PC: variants seen among roughly 807,000 people sequenced by gnomAD.
The protein encoded by PC is pyruvate carboxylase, mitochondrial.
In PC, 46 loss-of-function variants were observed where a neutral mutation model predicts 107.8. The ratio of observed to expected loss-of-function variants is 0.43; its 90% CI spans 0.34 to 0.55. The LOEUF is 0.55. PC is among the 20% of genes least tolerant of loss of function. The pLI, the probability that PC is intolerant of heterozygous loss-of-function variation, is 0.04. For synonymous variants in PC, 662 were observed against 684.7 expected (o/e 0.97, Z 0.52); for missense variants, 1,241 against 1,643.1 (o/e 0.76, Z 4.23).
At chr11:66,923,256 G>A (rs1948636265) in intron 3 of PC, among the ~76,000 whole-genome samples, 2 of 151,954 alleles carry the variant, frequency 1.3e-5, no homozygotes, top group African/African-American at 4.8e-5. Flanking sequence ...CAGCTACTAG[G>A]GAGGCTGAGG....
intron 3 of PC, among the ~76,000 whole-genome samples, chr11:66,929,510 G>A (rs1225129172): frequency 1.3e-5 from 2 of 152,042 alleles, no homozygotes; most frequent in Non-Finnish European, 1.5e-5. Context: ...GGGACCACAG[G>A]TGTATGCCAC....
chr11:66,888,089 C>T (rs954622006), intron 3 of PC, among the ~76,000 whole-genome samples: 3 of 152,202 alleles, frequency 2.0e-5, no homozygotes, highest in Non-Finnish European at 4.4e-5. Flanking sequence ...ATCACCTTTC[C>T]AGGTCAGAAT....
At position 66,913,529 on chromosome 11, in the gene PC, G is replaced by A. The variant is rs548523427; in HGVS notation, c.-1+38901C>T. 1.2e-4 allele frequency among the ~76,000 whole-genome samples: 18 copies of A among 151,832 alleles called. No homozygotes were observed. In the South Asian group the frequency reaches 3.1e-3, roughly 27 times the overall value. ...TACTAAAAAAATACAAAAATTAGCC[G>A]GGCGTGCCTGTAATCCCAGATACTC... On this transcript the variant is annotated intron_variant, in intron 3 of 22. Transcript: ENST00000393960.
At chr11:66,958,065 G>A (rs1949613884) in intron 1 of PC, 1 of 151,290 alleles carries the variant, frequency 6.6e-6, no homozygotes, top group African/African-American at 2.4e-5. Flanking sequence ...GCGCTCGGGG[G>A]CTGCAGCCGG....
At chr11:66,923,656 CAT>C (rs1322705851) in intron 3 of PC, among the ~76,000 whole-genome samples, 1 of 151,730 alleles carries the variant, frequency 6.6e-6, no homozygotes, top group African/African-American at 2.4e-5. Flanking sequence ...TGGGATTACA[CAT>C]GTGCAGGTGC....
At position 66,871,773 on chromosome 11, in the gene PC, T is replaced by G; in HGVS notation, c.235A>C (p.Lys79Gln). The G allele has an allele frequency of 6.2e-7, 1 of 1,602,298 alleles. No homozygotes were observed. Among genetic ancestry groups the G allele is most frequent in the Non-Finnish European group, 8.5e-7 (1 of 1,175,496 alleles). Reference sequence around the variant, plus strand: ...CCGATGAGATAGGCTTCATCTGCTTTCTGCCGGTGCATCTGGCCCGTGTCC... The same window carrying G: ...CCGATGAGATAGGCTTCATCTGCTTGCTGCCGGTGCATCTGGCCCGTGTCC... ...EQDTGQMHRQ[K>Q]ADEAYLIGRG... The change falls in exon 5 of 23, where the codon AAA (lysine) becomes CAA (glutamine). Residue 79 changes from lysine to glutamine, a missense_variant. By Grantham distance (53) the Lys-to-Gln change is moderately conservative. Coordinates refer to ENST00000393960, the MANE Select transcript of PC (RefSeq NM_001040716.2). This position sits in a 1 kb window ranked among gnomAD's most constrained non-coding sequence, Gnocchi z 7.4.
intron 12 of PC, 129 bp downstream of exon 12, chr11:66,863,645 G>T: frequency 1.0e-6 from 1 of 1,003,774 alleles, no homozygotes; most frequent in Non-Finnish European, 1.5e-6. Flanking sequence ...GAGAGCCACT[G>T]ACCTCGACCC....
rs763471198 is a variant in PC at position 66,851,810 on chromosome 11, G to A, written c.1962C>T (p.Tyr654=). Residue 654 remains tyrosine, a synonymous_variant, in exon 16 of 23, where the codon TAC becomes TAT. Transcript: ENST00000393960. ...CTCACTTGAAGACCACGTTGTCTGG[G>A]TAGTTGGTGTAGCCCACAGCATTGG... The part of the protein sequence containing the change: ...RGANAVGYTN[Y]PDNVVFKFCE... The A allele has an allele frequency of 3.7e-6, 6 of 1,614,162 alleles. No homozygotes were observed. The Admixed American group carries it at 5.0e-5, about 13-fold the overall frequency.
chr11:66,850,478 A>G lies in PC; in HGVS notation c.2474-14T>C. On this transcript the variant is annotated splice_polypyrimidine_tract_variant and intron_variant, in intron 18 of 22. Transcript: ENST00000393960. ...CCATGGGCACCTCTGCAGGGAGGCC[A>G]GAGTCAGAGGAGGCCTTAGAAATGT... 6.2e-7 allele frequency: 1 copy of G among 1,613,834 alleles called. No individual in the cohort carries two copies.
At chr11:66,860,577 G>C in intron 12 of PC, 1 of 701,466 alleles carries the variant, frequency 1.4e-6, no homozygotes, top group Non-Finnish European at 2.6e-6. Flanking sequence ...CAGGGCCGGT[G>C]GGGGCAGTCA....
intron 3 of PC, among the ~76,000 whole-genome samples, chr11:66,925,833 A>G (rs1948703560): frequency 6.6e-6 from 1 of 152,106 alleles, no homozygotes; most frequent in Non-Finnish European, 1.5e-5. Flanking sequence ...ATAAATGTCC[A>G]TGAAATCTTC....
chr11:66,851,263 T>C lies in PC; in HGVS notation c.2000A>G (p.Lys667Arg), dbSNP rs138760063. The C allele has an allele frequency of 3.1e-6, 5 of 1,601,384 alleles. No individual in the cohort carries two copies. The highest frequency in any genetic ancestry group is 1.7e-4 in the Middle Eastern group (1 of 6,060). Reference protein sequence around the residue: ...NVVFKFCEVAKENGMDVFRVF... With the variant: ...NVVFKFCEVARENGMDVFRVF... Reference sequence around the variant, plus strand: ...ACGGAAGACATCCATGCCATTCTCTTTGGCCACTTCACAGAACCTGCAAGG... The same window carrying C: ...ACGGAAGACATCCATGCCATTCTCTCTGGCCACTTCACAGAACCTGCAAGG... The change falls in exon 17 of 23, where the codon AAA becomes AGA. Residue 667 changes from lysine (K) to arginine (R), a missense_variant. By Grantham distance (26) the Lys-to-Arg change is conservative. This residue lies in a region of PC where 1,143 missense variants were observed against 1,551.9 expected (regional missense o/e 0.74). Coordinates refer to ENST00000393960, the MANE Select transcript of PC (RefSeq NM_001040716.2).
chr11:66,911,799 G>A (rs745315020), intron 3 of PC, among the ~76,000 whole-genome samples: 2 of 152,112 alleles, frequency 1.3e-5, no homozygotes, highest in Admixed American at 6.5e-5. Context: ...TTGGGAGGCC[G>A]AGGCAGGCAG....
chr11:66,849,502 G>C, intron 21 of PC, 109 bp downstream of exon 21: 2 of 1,605,984 alleles, frequency 1.2e-6, no homozygotes, highest in Non-Finnish European at 1.7e-6. Flanking sequence ...GGTCTCAAGG[G>C]TCCTTTCTGC....
At chr11:66,931,328 G>A (rs564884924) in intron 3 of PC, among the ~76,000 whole-genome samples, 33 of 148,122 alleles carry the variant, frequency 2.2e-4, no homozygotes, top group Non-Finnish European at 3.0e-4. Context: ...GCAGTGGGCC[G>A]AGATGGCACC....
At chr11:66,953,765 A>C (rs1440067948) in intron 2 of PC, among the ~76,000 whole-genome samples, 2 of 152,142 alleles carry the variant, frequency 1.3e-5, no homozygotes, top group African/African-American at 4.8e-5. Flanking sequence ...TGGTTAAAAG[A>C]AGCAAAAATG....
chr11:66,955,772 T>TTTTTTTTTCTTTTTC (rs1555052678), intron 1 of PC, among the ~76,000 whole-genome samples: 8 of 150,244 alleles, frequency 5.3e-5, no homozygotes, highest in African/African-American at 2.0e-4. Context: ...CTTTTGGGCT[T>TTTTTTTTTCTTTTTC]TTTTTTTTCT....
In PC at chr11:66,850,277, G is replaced by C; in HGVS notation, c.2661C>G (p.Phe887Leu). 2 of 1,614,134 alleles carry C rather than the reference G, an allele frequency of 1.2e-6. No homozygotes were observed. Among genetic ancestry groups the C allele is most frequent in the Non-Finnish European group, 1.7e-6 (2 of 1,180,030 alleles). ...CCACATAGGCCTTCTTGACCTCCTT[G>C]AACTTGGAGCCAAGCCCCATGCTGT... Reference protein sequence around the residue: ...QAHSMGLGSKFKEVKKAYVEA... With the variant: ...QAHSMGLGSKLKEVKKAYVEA... The change falls in exon 19 of 23, where the codon TTC becomes TTG. Residue 887 changes from phenylalanine to leucine, a missense_variant. By Grantham distance (22) the Phe-to-Leu change is conservative. Transcript: ENST00000393960.
At chr11:66,924,573 C>G (rs1948670970) in intron 3 of PC, among the ~76,000 whole-genome samples, 1 of 152,086 alleles carries the variant, frequency 6.6e-6, no homozygotes, top group Admixed American at 6.5e-5. Flanking sequence ...ACCTCAGCCT[C>G]CTGAGTAGCT....
Sources: allele counts gnomAD v4.1 joint callset (sites outside exome capture counted in the v4.1 genomes callset), GRCh38; gene constraint gnomAD v4.1.1; regional missense constraint gnomAD v4.1.1; non-coding constraint Gnocchi (gnomAD v3.1); transcripts MANE v1.5; gene names NCBI Gene and HGNC (gene_info 2026-07-23, HGNC 2026-07-21).